ERAP2: variants seen among roughly 807,000 people sequenced by gnomAD.
ERAP2 encodes endoplasmic reticulum aminopeptidase 2.
ERAP2 carries 118 observed loss-of-function variants against 111.1 expected under a neutral mutation model. The observed-to-expected ratio is 1.06, with a 90% CI of 0.92 to 1.24. ERAP2 has a LOEUF of 1.24. ERAP2 is among the 50% of genes most tolerant of loss of function. ERAP2 has a pLI of 0.00. For synonymous variants in ERAP2, 410 were observed against 401.2 expected (o/e 1.02, Z -0.26); for missense variants, 1,131 against 1,125.8 (o/e 1.00, Z -0.07).
At position 96,914,085 on chromosome 5, in the gene ERAP2, T is replaced by G. The variant is rs1350589849; in HGVS notation, c.2657+628T>G. 2.0e-5 allele frequency among the ~76,000 whole-genome samples: 3 copies of G among 152,028 alleles called. No homozygotes were observed. The South Asian group carries it at 6.2e-4, about 32-fold the overall frequency. On this transcript the variant is annotated intron_variant, in intron 17 of 18. Coordinates refer to ENST00000437043, the MANE Select transcript of ERAP2 (RefSeq NM_022350.5). The stretch of plus-strand genomic sequence containing the variant: ...ATCCCTCAGAAATAACCAATAATGA[T>G]TAGATTTTGTTGGAATGGAATGTAT...
chr5:96,880,371 A>T, intron 2 of ERAP2, 111 bp downstream of exon 2: 1 of 958,800 alleles, frequency 1.0e-6, no homozygotes, highest in Non-Finnish European at 1.5e-6. Context: ...CCAGTGAACT[A>T]TGGGGAACCC....
intron 17 of ERAP2, 105 bp from the exon 18 acceptor site, chr5:96,915,583 G>T: frequency 1.9e-6 from 1 of 530,688 alleles, no homozygotes. Context: ...TAATACACAA[G>T]CTTATCACAT....
At chr5:96,912,271 A>T (rs2112383167) in intron 15 of ERAP2, among the ~76,000 whole-genome samples, 1 of 152,108 alleles carries the variant, frequency 6.6e-6, no homozygotes, top group East Asian at 1.9e-4. Context: ...TCTTTAAAAA[A>T]AAAATCTTAT....
chr5:96,902,151 C>T (rs1415837204), intron 11 of ERAP2, 123 bp from the exon 12 acceptor site: 1 of 636,708 alleles, frequency 1.6e-6, no homozygotes, highest in Admixed American at 2.7e-5. Context: ...TATAAGACCA[C>T]TTGTGGGTAG....
chr5:96,879,883 G>A lies in ERAP2; in HGVS notation c.198G>A (p.Glu66=). 6.2e-7 allele frequency: 1 copy of A among 1,614,170 alleles called. No homozygotes were observed. Among genetic ancestry groups the A allele is most frequent in the Non-Finnish European group, 8.5e-7 (1 of 1,180,026 alleles). ...ATGGGGAACGATTTCCTTGGCAGGAGCTAAGGCTCCCCAGTGTGGTCATTC... is the reference window on the plus strand; with the variant it reads ...ATGGGGAACGATTTCCTTGGCAGGAACTAAGGCTCCCCAGTGTGGTCATTC... The part of the protein sequence containing the change: ...ATNGERFPWQ[E]LRLPSVVIPL... The change falls in exon 2 of 19, where the codon GAG becomes GAA. Residue 66 remains glutamate, a synonymous_variant. Coordinates refer to ENST00000437043, the MANE Select transcript of ERAP2 (RefSeq NM_022350.5).
At position 96,880,180 on chromosome 5, in the gene ERAP2, T is replaced by A; in HGVS notation, c.495T>A (p.Ala165=). ...CGCCTCACCTGAAATACTATGTGGC[T>A]ATGGACTTCCAAGCCAAGTTAGGTG... ...KLTPHLKYYV[A]MDFQAKLGDG... The change falls in exon 2 of 19, where the codon GCT becomes GCA. Residue 165 remains alanine, a synonymous_variant. Transcript: ENST00000437043. 1 of 1,614,094 alleles carries A rather than the reference T, an allele frequency of 6.2e-7. No homozygotes were observed. Among genetic ancestry groups the A allele is most frequent in the East Asian group, 2.2e-5 (1 of 44,884 alleles).
At chr5:96,877,989 T>C (rs1251954674) in intron 1 of ERAP2, among the ~76,000 whole-genome samples, 1 of 152,210 alleles carries the variant, frequency 6.6e-6, no homozygotes, top group Non-Finnish European at 1.5e-5. Flanking sequence ...AAAGAAGAAG[T>C]AGCAGAGAAA....
chr5:96,910,696 CTTAT>C (rs1786642160), intron 15 of ERAP2, among the ~76,000 whole-genome samples: 1 of 152,282 alleles, frequency 6.6e-6, no homozygotes, highest in Non-Finnish European at 1.5e-5. Context: ...TCTAGGTAAA[CTTAT>C]TTATGCTCAC....
At position 96,879,616 on chromosome 5, in the gene ERAP2, GC is replaced by G. The variant is rs943303701; in HGVS notation, c.-68del. On this transcript the variant is annotated 5_prime_UTR_variant, in exon 2 of 19. Transcript: ENST00000437043. ...TCAGACCCCATGTGACATAACTGGA[GC>G]CAGTGCAGTGCCATGAAGAACTACG... 1.2e-4 allele frequency: 148 copies of G among 1,263,676 alleles called. No homozygotes were observed. The highest frequency in any genetic ancestry group is 1.6e-4 in the Non-Finnish European group (143 of 878,396). 78.3% of individuals were successfully genotyped at this position (1,263,676 alleles called of 1,614,324 possible). A position where few individuals can be genotyped will look rare whatever the true frequency, so the allele number is the denominator to read the frequency against.
chr5:96,909,221 C>A, intron 14 of ERAP2, 104 bp downstream of exon 14: 1 of 1,110,374 alleles, frequency 9.0e-7, no homozygotes, highest in Non-Finnish European at 1.3e-6. Context: ...AAATCTGGAG[C>A]AGCTCGGGGG....
At chr5:96,891,065 G>A (rs553215677) in intron 5 of ERAP2, among the ~76,000 whole-genome samples, 2 of 152,168 alleles carry the variant, frequency 1.3e-5, no homozygotes, top group African/African-American at 2.4e-5. Context: ...AAGTGCTAAC[G>A]AATACTAATC....
rs140628405 is a variant in ERAP2, at chr5:96,880,209, G to C, written c.524G>C (p.Gly175Ala). The C allele has an allele frequency of 1.2e-6, 2 of 1,614,034 alleles. No homozygotes were observed. Among genetic ancestry groups the C allele is most frequent in the Non-Finnish European group, 8.5e-7 (1 of 1,179,974 alleles). ...GACTTCCAAGCCAAGTTAGGTGATG[G>C]CTTTGAAGGGTTTTATAAAAGCACA... Reference protein sequence around the residue: ...AMDFQAKLGDGFEGFYKSTYR... With the variant: ...AMDFQAKLGDAFEGFYKSTYR... Residue 175 changes from glycine to alanine, a missense_variant, in exon 2 of 19, where the codon GGC becomes GCC. Coordinates refer to ENST00000437043, the MANE Select transcript of ERAP2 (RefSeq NM_022350.5).
At chr5:96,912,117 G>C (rs1198419461) in intron 15 of ERAP2, among the ~76,000 whole-genome samples, 1 of 149,950 alleles carries the variant, frequency 6.7e-6, no homozygotes, top group Non-Finnish European at 1.5e-5. Context: ...GTGAACCCCG[G>C]GGGGCGGAGC....
chr5:96,876,106 C>A (rs564558427), upstream of ERAP2: 2 of 152,618 alleles, frequency 1.3e-5, no homozygotes, highest in Admixed American at 6.5e-5. Context: ...CTTGGAGTTA[C>A]GTTTGTGGGG....
At position 96,901,892 on chromosome 5, in the gene ERAP2, T is replaced by C. The variant is rs144227861; in HGVS notation, c.1748+211T>C. Among the ~76,000 whole-genome samples, 750 of 152,344 alleles carry C rather than the reference T, an allele frequency of 4.9e-3. 12 individuals are homozygous for C. The highest frequency in any genetic ancestry group is 0.017 in the African/African-American group (715 of 41,578). ...CCATTCTTAGTGATTCCATCAGCCT[T>C]GAGAACTTCAGTTCTTGGTTTAGTT... On this transcript the variant is annotated intron_variant, in intron 11 of 18. Coordinates refer to ENST00000437043, the MANE Select transcript of ERAP2 (RefSeq NM_022350.5).
chr5:96,900,279 C>T (rs1477882013), intron 10 of ERAP2, 90 bp downstream of exon 10: 1 of 1,495,198 alleles, frequency 6.7e-7, no homozygotes, highest in Non-Finnish European at 8.9e-7. Flanking sequence ...CCACCTGTCC[C>T]TTTTAAAAGC....
In ERAP2 at chr5:96,900,109, CTTGTTTTGTAGAG is replaced by C. The variant is rs557842904; in HGVS notation, c.1504-5_1511del. The C allele has an allele frequency of 1.5e-5, 25 of 1,613,414 alleles. No homozygotes were observed. The highest frequency in any genetic ancestry group is 2.1e-5 in the Non-Finnish European group (25 of 1,179,736). ...GCCTACATTGCAGTGCTCTTTTGTTCTTGTTTTGTAGAGTTGTTTAGAAAGTGATTTTACATCT... is the reference window on the plus strand; with the variant it reads ...GCCTACATTGCAGTGCTCTTTTGTTCTTGTTTAGAAAGTGATTTTACATCT... On this transcript the variant is annotated splice_acceptor_variant and splice_polypyrimidine_tract_variant and coding_sequence_variant and intron_variant, in exon 10 of 19. Transcript: ENST00000437043. LOFTEE classifies it high-confidence loss of function.
rs1054486413 is a variant in ERAP2, at chr5:96,915,737, G to T, written c.2707G>T (p.Ala903Ser). 1 of 1,599,140 alleles carries T rather than the reference G, an allele frequency of 6.3e-7. No homozygotes were observed. The highest frequency in any genetic ancestry group is 8.5e-7 in the Non-Finnish European group (1 of 1,173,072). The change falls in exon 18 of 19, where the codon GCT becomes TCT. Residue 903 changes from alanine (A) to serine (S), a missense_variant. Physicochemically the swap from Ala to Ser is moderately conservative, Grantham distance 99 (BLOSUM62 1). Coordinates refer to ENST00000437043, the MANE Select transcript of ERAP2 (RefSeq NM_022350.5). ...AAGGATGATCATCTCTGGCACAACA[G>T]CTCACTTTTCTTCCAAGGATAAGTT... ...DIRMIISGTT[A>S]HFSSKDKLQE... is the part of the protein sequence containing the mutation.
chr5:96,915,664 T>G (rs1163311636), intron 17 of ERAP2, 24 bp from the exon 18 acceptor site: 4 of 1,448,480 alleles, frequency 2.8e-6, no homozygotes, highest in East Asian at 2.4e-5. Flanking sequence ...TATGACTTTC[T>G]ATGGTGTTTC....
Sources: gnomAD v4.1 joint callset for allele counts (sites outside exome capture counted in the v4.1 genomes callset) on GRCh38, gnomAD v4.1.1 for gene constraint, MANE v1.5 for transcripts, NCBI Gene and HGNC (gene_info 2026-07-23, HGNC 2026-07-21) for gene names.